The following RBL2 variants were observed in gnomAD, a reference collection of about 807,000 sequenced individuals.
RBL2 encodes RB transcriptional corepressor like 2.
Under a neutral mutation model 126.0 loss-of-function variants are expected in RBL2, and 56 were observed. The ratio of observed to expected loss-of-function variants is 0.44; its 90% CI spans 0.36 to 0.56. RBL2 has a LOEUF of 0.56. Ranked by LOEUF, RBL2 falls within the 20% of genes least tolerant of loss-of-function variation. The pLI is 0.00. For missense variants in RBL2, 1,229 were observed against 1,398.2 expected (o/e 0.88, Z 1.93); for synonymous variants, 454 against 478.5 (o/e 0.95, Z 0.67).
intron 17 of RBL2, among the ~76,000 whole-genome samples, chr16:53,474,715 T>C (rs1382343243): frequency 6.6e-6 from 1 of 152,254 alleles, no homozygotes; most frequent in African/African-American, 2.4e-5. Context: ...AGTTTCCACA[T>C]GCAGCAGTGA....
At position 53,469,939 on chromosome 16, in the gene RBL2, T is replaced by A; in HGVS notation, c.1999T>A (p.Tyr667Asn). 6.3e-7 allele frequency: 1 copy of A among 1,592,416 alleles called. No individual in the cohort carries two copies. Residue 667 changes from tyrosine (Y) to asparagine (N), a missense_variant, in exon 15 of 22, where the codon TAC (tyrosine) becomes AAC (asparagine). Tyr to Asn is a moderately radical substitution (Grantham distance 143, BLOSUM62 -2). Transcript: ENST00000262133. Reference protein sequence around the residue: ...GRSITSPTTLYDRYSSPPAST... With the variant: ...GRSITSPTTLNDRYSSPPAST... ...AGGCATAACATCTCCAACCACATTA[T>A]ACGATAGGTACAGCTCCCCACCAGC...
intron 19 of RBL2, chr16:53,480,348 T>C (rs1960892568): frequency 7.1e-6 from 4 of 561,166 alleles, no homozygotes; most frequent in South Asian, 4.8e-5. Context: ...GTGTAACTTA[T>C]TAATGGACAC....
At chr16:53,449,931 G>A (rs1001691809) in intron 4 of RBL2, among the ~76,000 whole-genome samples, 1 of 145,386 alleles carries the variant, frequency 6.9e-6, no homozygotes, top group Non-Finnish European at 1.5e-5. Flanking sequence ...GGGCATTTCA[G>A]CTTTTTATTA....
At chr16:53,451,675 A>T in intron 4 of RBL2, 28 bp from the exon 5 acceptor site, 1 of 1,603,338 alleles carries the variant, frequency 6.2e-7, no homozygotes, top group Non-Finnish European at 8.5e-7. Flanking sequence ...ATGCTAATTT[A>T]ACTCTGTAAC....
chr16:53,449,958 C>CTTT lies in RBL2; in HGVS notation c.638-1728_638-1726dup, dbSNP rs764078451. 2.5e-4 allele frequency among the ~76,000 whole-genome samples: 27 copies of CTTT among 109,728 alleles called. 1 individual carries two copies. Among genetic ancestry groups the CTTT allele is most frequent in the African/African-American group, 3.5e-4 (10 of 28,954 alleles). 72.0% of individuals were successfully genotyped at this position (109,728 alleles called of 152,430 possible). On this transcript the variant is annotated intron_variant, in intron 4 of 21. Transcript: ENST00000262133. Reference sequence around the variant, plus strand: ...TTTTTATTAGATGTTACAGTACTGCCTTTTTTTTTTTTTTTTTTTGCCTTC... The same window carrying CTTT: ...TTTTTATTAGATGTTACAGTACTGCCTTTTTTTTTTTTTTTTTTTTTTGCCTTC...
intron 20 of RBL2, chr16:53,481,260 G>A (rs1440817120): frequency 5.7e-6 from 1 of 176,268 alleles, no homozygotes; most frequent in Admixed American, 5.8e-5. Context: ...CATTAAACGA[G>A]TAAGATTGTA....
chr16:53,443,440 C>G (rs1262456842), intron 3 of RBL2: 1 of 152,094 alleles, frequency 6.6e-6, no homozygotes, highest in African/African-American at 2.4e-5. Context: ...AATGACTTCT[C>G]TATGTATTTT....
At chr16:53,456,774 T>C (rs940237654) in intron 8 of RBL2, among the ~76,000 whole-genome samples, 23 of 152,342 alleles carry the variant, frequency 1.5e-4, no homozygotes, top group Non-Finnish European at 3.1e-4. Flanking sequence ...CTCATGTGGC[T>C]TCCTTCTCAC....
At position 53,470,500 on chromosome 16, in the gene RBL2, G is replaced by T. The variant is rs763278625; in HGVS notation, c.2363G>T (p.Ser788Ile). The part of the protein sequence containing the change: ...QPLSAQALAG[S>I]LSSQQVTGTT... ...CTCAGTGCTCAGGCCCTGGCTGGAAGTCTGAGCTCTCAACAGGTGACAGGA... is the reference window on the plus strand; with the variant it reads ...CTCAGTGCTCAGGCCCTGGCTGGAATTCTGAGCTCTCAACAGGTGACAGGA... The change falls in exon 16 of 22, where the codon AGT (serine) becomes ATT (isoleucine). Residue 788 changes from serine (S) to isoleucine (I), a missense_variant. Physicochemically the swap from Ser to Ile is moderately radical, Grantham distance 142 (BLOSUM62 -2). Coordinates refer to ENST00000262133, the MANE Select transcript of RBL2 (RefSeq NM_005611.4). The T allele has an allele frequency of 6.2e-7, 1 of 1,614,194 alleles. No homozygotes were observed. The highest frequency in any genetic ancestry group is 8.5e-7 in the Non-Finnish European group (1 of 1,180,046).
chr16:53,440,953 C>CTTTTTTTTTTTTT (rs1178378934), intron 2 of RBL2, among the ~76,000 whole-genome samples: 5 of 71,672 alleles, frequency 7.0e-5, no homozygotes, highest in Admixed American at 2.0e-4. Context: ...TTTTTCAGTT[C>CTTTTTTTTTTTTT]TTTTTTTTTT....
intron 15 of RBL2, 82 bp downstream of exon 15, chr16:53,470,267 T>C (rs765091859): frequency 9.7e-5 from 151 of 1,560,386 alleles, no homozygotes; most frequent in Admixed American, 4.6e-4. Context: ...TAGAGTGACA[T>C]AGGGGACAGA....
chr16:53,458,719 G>A (rs1567734477), intron 8 of RBL2, among the ~76,000 whole-genome samples: 1 of 152,176 alleles, frequency 6.6e-6, no homozygotes, highest in Non-Finnish European at 1.5e-5. Context: ...ATGGTGTGAG[G>A]CGAAAGGCAC....
chr16:53,439,714 A>G (rs760847801), intron 2 of RBL2, among the ~76,000 whole-genome samples: 4 of 152,200 alleles, frequency 2.6e-5, no homozygotes, highest in East Asian at 3.8e-4. Flanking sequence ...ATTTTCTTAC[A>G]TGGCTTATTA....
intron 4 of RBL2, among the ~76,000 whole-genome samples, chr16:53,451,152 TAATG>T (rs374611087): frequency 1.3e-4 from 19 of 147,516 alleles, no homozygotes; most frequent in African/African-American, 2.2e-4. Context: ...AATAAACACT[TAATG>T]AATGAATGGC....
intron 8 of RBL2, among the ~76,000 whole-genome samples, chr16:53,458,511 A>G (rs1011853809): frequency 6.6e-6 from 1 of 152,228 alleles, no homozygotes; most frequent in Non-Finnish European, 1.5e-5. Context: ...CAGGAAGACC[A>G]ATGAAGGCTG....
At chr16:53,469,574 T>C in intron 14 of RBL2, among the ~76,000 whole-genome samples, 1 of 152,164 alleles carries the variant, frequency 6.6e-6, no homozygotes. Flanking sequence ...AAAAATATAA[T>C]ATAGAAAAAT....
intron 21 of RBL2, chr16:53,488,658 A>G (rs1318800875): frequency 6.6e-6 from 1 of 152,224 alleles, no homozygotes; most frequent in Non-Finnish European, 1.5e-5. Flanking sequence ...ATGAGAAAAT[A>G]ATTATCAAAT....
In RBL2 at chr16:53,490,261, C is replaced by T. The variant is rs774057228; in HGVS notation, c.3381C>T (p.Arg1127=). The change falls in exon 22 of 22, where the codon CGC becomes CGT. Residue 1127 remains arginine, a synonymous_variant. Coordinates refer to ENST00000262133, the MANE Select transcript of RBL2 (RefSeq NM_005611.4). ...CAGAAAATCATTCTGCCTTATTACG[C>T]CGTCTCCAAGATGTAGCTAATGACC... is the stretch of plus-strand genomic sequence containing the variant. The part of the protein sequence containing the change: ...ICPENHSALL[R]RLQDVANDRG... The T allele has an allele frequency of 1.9e-6, 3 of 1,612,464 alleles. No homozygotes were observed. The highest frequency in any genetic ancestry group is 2.5e-6 in the Non-Finnish European group (3 of 1,179,160).
Position 53,434,486 on chromosome 16 carries a change from G to C in RBL2, c.-71G>C. On this transcript the variant is annotated 5_prime_UTR_variant, in exon 1 of 22. Coordinates refer to ENST00000262133, the MANE Select transcript of RBL2 (RefSeq NM_005611.4). Reference sequence around the variant, plus strand: ...CGGTGCGGGCGGCGGACGGGCGGGCGCTTCGCCGTTTGAATGGCTGCGGGC... The same window carrying C: ...CGGTGCGGGCGGCGGACGGGCGGGCCCTTCGCCGTTTGAATGGCTGCGGGC... 1 of 1,311,584 alleles carries C rather than the reference G, an allele frequency of 7.6e-7. No individual in the cohort carries two copies. Among genetic ancestry groups the C allele is most frequent in the South Asian group, 2.1e-5 (1 of 48,550 alleles). The allele number at this position is 1,311,584 out of a possible 1,614,324, so 81.2% of individuals were successfully genotyped here.
Sources: allele counts gnomAD v4.1 joint callset (sites outside exome capture counted in the v4.1 genomes callset), GRCh38; gene constraint gnomAD v4.1.1; transcripts MANE v1.5; gene names NCBI Gene and HGNC (gene_info 2026-07-23, HGNC 2026-07-21).